Variants in UNC13C observed in about 807,000 individuals in gnomAD.
UNC13C encodes unc-13 homolog C, also known as protein unc-13 homolog C.
A neutral mutation model predicts 245.4 loss-of-function variants in UNC13C; 174 were observed. The observed-to-expected ratio is 0.71, with a 90% CI of 0.63 to 0.80. UNC13C has a LOEUF of 0.80. Among genes scored for constraint, UNC13C ranks in the 30% least tolerant of loss-of-function variants. The pLI is 0.00. For synonymous variants in UNC13C, 992 were observed against 895.1 expected (o/e 1.11, Z -1.93); for missense variants, 2,829 against 2,602.9 (o/e 1.09, Z -1.89).
At chr15:54,098,650 G>C (rs1025069406) in intron 2 of UNC13C, among the ~76,000 whole-genome samples, 4 of 151,990 alleles carry the variant, frequency 2.6e-5, no homozygotes, top group African/African-American at 9.7e-5. Context: ...AGATAAACAG[G>C]TCTGTATCAT....
At chr15:54,600,000 TG>T (rs942804412) in intron 30 of UNC13C, among the ~76,000 whole-genome samples, 5 of 152,158 alleles carry the variant, frequency 3.3e-5, no homozygotes, top group African/African-American at 1.2e-4. Flanking sequence ...TGAATACTTT[TG>T]TTTTTTTAGG....
chr15:53,867,296 T>C, the UNC13C span, among the ~76,000 whole-genome samples: 1 of 152,074 alleles, frequency 6.6e-6, no homozygotes, highest in Non-Finnish European at 1.5e-5. Context: ...TGAGAAAACA[T>C]CTATAGTAAC....
intron 2 of UNC13C, among the ~76,000 whole-genome samples, chr15:54,139,721 T>C (rs1183318368): frequency 2.0e-5 from 3 of 152,170 alleles, no homozygotes; most frequent in Non-Finnish European, 4.4e-5. Context: ...TTTACCATTG[T>C]TGCATTTTAA....
intron 1 of UNC13C, among the ~76,000 whole-genome samples, chr15:53,996,983 A>T (rs1192529109): frequency 6.6e-6 from 1 of 152,144 alleles, no homozygotes; most frequent in Non-Finnish European, 1.5e-5. Flanking sequence ...TAACTTTGTA[A>T]GAAATTAGCC....
intron 16 of UNC13C, among the ~76,000 whole-genome samples, chr15:54,336,600 A>AT (rs1384983549): frequency 1.3e-5 from 2 of 151,424 alleles, no homozygotes; most frequent in Non-Finnish European, 2.9e-5. Context: ...ATTTGGGCAT[A>AT]TTTTTTATTT....
At chr15:54,409,996 C>G (rs1187295608) in intron 18 of UNC13C, among the ~76,000 whole-genome samples, 1 of 152,110 alleles carries the variant, frequency 6.6e-6, no homozygotes. Flanking sequence ...CCACTAGCAG[C>G]GTATAATTGT....
chr15:54,258,374 A>T (rs939476503), intron 8 of UNC13C, among the ~76,000 whole-genome samples: 2 of 151,822 alleles, frequency 1.3e-5, no homozygotes, highest in Non-Finnish European at 2.9e-5. Flanking sequence ...AATTATTATT[A>T]TTTTTTTGAG....
intron 18 of UNC13C, among the ~76,000 whole-genome samples, chr15:54,393,396 G>A (rs186838419): frequency 6.6e-6 from 1 of 151,574 alleles, no homozygotes; most frequent in South Asian, 2.1e-4. Flanking sequence ...TGGATATGGA[G>A]AAAAATATTT....
At chr15:53,921,726 T>C in the UNC13C span, among the ~76,000 whole-genome samples, 1 of 152,234 alleles carries the variant, frequency 6.6e-6, no homozygotes, top group Admixed American at 6.5e-5. Flanking sequence ...TGGGTCCATA[T>C]AGATGCTCAC....
intron 2 of UNC13C, among the ~76,000 whole-genome samples, chr15:54,132,074 C>CTTTTTTTTTCTTTTTCTTTTTTTCT (rs6145565): frequency 2.7e-5 from 3 of 110,644 alleles, no homozygotes; most frequent in African/African-American, 6.4e-5. Flanking sequence ...TTTTCTTTTT[C>CTTTTTTTTTCTTTTTCTTTTTTTCT]TTTTTTTTTT....
chr15:54,599,233 T>A (rs1248789140), intron 30 of UNC13C, among the ~76,000 whole-genome samples: 1 of 152,108 alleles, frequency 6.6e-6, no homozygotes, highest in Non-Finnish European at 1.5e-5. Context: ...GGTTAAATAA[T>A]CACATTAGTA....
At chr15:54,149,438 C>T (rs1436038118) in intron 4 of UNC13C, among the ~76,000 whole-genome samples, 2 of 152,054 alleles carry the variant, frequency 1.3e-5, no homozygotes, top group East Asian at 1.9e-4. Context: ...TAAACAGGGC[C>T]CACTTTCATA....
intron 4 of UNC13C, among the ~76,000 whole-genome samples, chr15:54,189,751 A>AT (rs2034117445): frequency 6.6e-6 from 1 of 152,136 alleles, no homozygotes; most frequent in African/African-American, 2.4e-5. Context: ...GGCAAAGCTT[A>AT]TAGGGCCATG....
At chr15:54,333,737 C>T (rs969291055) in intron 15 of UNC13C, 30 bp from the exon 16 acceptor site, 83 of 1,484,294 alleles carry the variant, frequency 5.6e-5, no homozygotes, top group Admixed American at 2.4e-4. Flanking sequence ...CTGCTGACAA[C>T]CTTATCCATT....
chr15:54,487,399 T>G (rs924758080), intron 19 of UNC13C, among the ~76,000 whole-genome samples: 6 of 152,142 alleles, frequency 3.9e-5, no homozygotes, highest in Admixed American at 2.0e-4. Context: ...GAAAGAAACT[T>G]CTATATCTTT....
At chr15:54,231,975 T>C (rs2035565884) in intron 4 of UNC13C, among the ~76,000 whole-genome samples, 1 of 152,120 alleles carries the variant, frequency 6.6e-6, no homozygotes, top group African/African-American at 2.4e-5. Context: ...CCAAGATCGC[T>C]CCTGGTAAGA....
At chr15:54,206,363 G>A (rs537802080) in intron 4 of UNC13C, among the ~76,000 whole-genome samples, 2 of 151,984 alleles carry the variant, frequency 1.3e-5, no homozygotes, top group African/African-American at 2.4e-5. Flanking sequence ...TAACAGAAAA[G>A]GTTTGGAGAT....
intron 4 of UNC13C, among the ~76,000 whole-genome samples, chr15:54,223,383 T>A (rs1362460972): frequency 6.6e-6 from 1 of 152,248 alleles, no homozygotes; most frequent in Non-Finnish European, 1.5e-5. Context: ...GGCACATTTG[T>A]TGAAAATGAA....
At chr15:53,858,783 C>T in the UNC13C span, among the ~76,000 whole-genome samples, 1 of 152,068 alleles carries the variant, frequency 6.6e-6, no homozygotes, top group African/African-American at 2.4e-5. Flanking sequence ...TAACACACTG[C>T]TTCTTAAATT....
Sources: allele counts gnomAD v4.1 joint callset (sites outside exome capture counted in the v4.1 genomes callset), GRCh38; gene constraint gnomAD v4.1.1; transcripts MANE v1.5; gene names NCBI Gene and HGNC (gene_info 2026-07-23, HGNC 2026-07-21).